SCFD2: variants seen among roughly 807,000 people sequenced by gnomAD.
SCFD2 encodes the protein sec1 family domain containing 2, also known as sec1 family domain-containing protein 2.
A neutral mutation model predicts 58.9 loss-of-function variants in SCFD2; 54 were observed. The ratio of observed to expected loss-of-function variants is 0.92; its 90% confidence interval spans 0.74 to 1.15. SCFD2 has a LOEUF of 1.15. SCFD2 is among the 50% of genes most tolerant of loss of function. SCFD2 has a pLI of 0.00. For synonymous variants in SCFD2, 321 were observed against 335.9 expected, an observed-to-expected ratio of 0.96 and a Z score of 0.49; for missense variants, 805 against 836.6, an observed-to-expected ratio of 0.96 and a Z score of 0.47.
chr4:53,267,443 G>A (rs184724514), intron 4 of SCFD2, among the ~76,000 whole-genome samples: 10 of 152,290 alleles, frequency 6.6e-5, no homozygotes, highest in African/African-American at 1.2e-4. Flanking sequence ...TTATACATTC[G>A]CCTATGCTAA....
intron 8 of SCFD2, among the ~76,000 whole-genome samples, chr4:52,874,965 G>T (rs530633105): frequency 6.6e-6 from 1 of 152,326 alleles, no homozygotes; most frequent in Admixed American, 6.5e-5. Flanking sequence ...GATGTGCCAG[G>T]TTCTGAGGAT....
At position 53,005,902 on chromosome 4, in the gene SCFD2, C is replaced by T. The variant is rs370147607; in HGVS notation, c.1562-85032G>A. On this transcript the variant is annotated intron_variant, in intron 5 of 8. Coordinates refer to ENST00000401642, the MANE Select transcript of SCFD2 (RefSeq NM_152540.4). ...ATACTTCATTGTACTAACTGGAGAA[C>T]TTGCCCTTTAATAAGCCCTACTGAG... Among the ~76,000 whole-genome samples the T allele has an allele frequency of 1.4e-4, 22 of 152,290 alleles. No individual in the cohort carries two copies. The East Asian group carries it at 2.1e-3, about 15-fold the overall frequency.
intron 4 of SCFD2, among the ~76,000 whole-genome samples, chr4:53,195,177 A>G (rs1369970113): frequency 6.6e-6 from 1 of 152,186 alleles, no homozygotes. Context: ...CAATTTAAAA[A>G]TCGAGTGCTG....
At chr4:53,087,107 C>T (rs1724328030) in intron 5 of SCFD2, among the ~76,000 whole-genome samples, 1 of 152,054 alleles carries the variant, frequency 6.6e-6, no homozygotes, top group African/African-American at 2.4e-5. Flanking sequence ...TTGCTTATTG[C>T]ATGTATAAAA....
intron 5 of SCFD2, among the ~76,000 whole-genome samples, chr4:52,941,669 T>C (rs1027379474): frequency 3.3e-5 from 5 of 152,250 alleles, no homozygotes; most frequent in Admixed American, 6.5e-5. Context: ...TGGCTCCATC[T>C]GAAACAGACT....
intron 5 of SCFD2, among the ~76,000 whole-genome samples, chr4:53,134,062 G>A (rs1170054795): frequency 1.3e-5 from 2 of 152,204 alleles, no homozygotes; most frequent in Non-Finnish European, 2.9e-5. Flanking sequence ...GGACATTACA[G>A]TAAGTGAAAT....
At chr4:53,113,094 T>A (rs1725217871) in intron 5 of SCFD2, among the ~76,000 whole-genome samples, 1 of 152,128 alleles carries the variant, frequency 6.6e-6, no homozygotes, top group South Asian at 2.1e-4. Context: ...TGTGCTTCCA[T>A]CTACTCCCCA....
intron 4 of SCFD2, among the ~76,000 whole-genome samples, chr4:53,184,615 C>T (rs115725810): frequency 2.6e-3 from 403 of 152,124 alleles, no homozygotes; most frequent in African/African-American, 9.3e-3. Flanking sequence ...AAGATATATC[C>T]TAGCAAATTT....
intron 5 of SCFD2, among the ~76,000 whole-genome samples, chr4:53,011,699 C>T (rs1239698339): frequency 6.6e-6 from 1 of 152,214 alleles, no homozygotes; most frequent in Non-Finnish European, 1.5e-5. Context: ...GTAACAAGAA[C>T]ACCTATCCAG....
At chr4:53,334,063 A>G (rs1733593180) in intron 2 of SCFD2, among the ~76,000 whole-genome samples, 2 of 152,298 alleles carry the variant, frequency 1.3e-5, no homozygotes, top group Non-Finnish European at 2.9e-5. Flanking sequence ...ACCATCTCAC[A>G]ACAGTTAGAA....
intron 4 of SCFD2, among the ~76,000 whole-genome samples, chr4:53,224,083 G>C (rs1269012568): frequency 1.3e-4 from 19 of 151,976 alleles, no homozygotes; most frequent in Non-Finnish European, 1.5e-5. Flanking sequence ...AACTTTCAAG[G>C]CTAGGTGATA....
intron 3 of SCFD2, among the ~76,000 whole-genome samples, chr4:53,292,787 A>T (rs1406411734): frequency 6.6e-6 from 1 of 152,220 alleles, no homozygotes; most frequent in African/African-American, 2.4e-5. Flanking sequence ...AATAGCAAAG[A>T]CATGGAATCA....
intron 5 of SCFD2, among the ~76,000 whole-genome samples, chr4:53,033,056 A>C (rs1219221351): frequency 2.0e-5 from 3 of 152,212 alleles, no homozygotes; most frequent in Non-Finnish European, 4.4e-5. Context: ...AAAATTGACC[A>C]CATAATTGAA....
intron 4 of SCFD2, among the ~76,000 whole-genome samples, chr4:53,270,806 T>C (rs76946902): frequency 4.9e-4 from 75 of 152,192 alleles, no homozygotes; most frequent in Middle Eastern, 3.4e-3. Context: ...AAACTGAACA[T>C]ATGGATTTAA....
chr4:53,340,514 T>G (rs1479490892), intron 2 of SCFD2, among the ~76,000 whole-genome samples: 5 of 152,202 alleles, frequency 3.3e-5, no homozygotes, highest in Non-Finnish European at 7.3e-5. Flanking sequence ...TTCCTGCCTC[T>G]GTAGACTCCA....
chr4:53,287,519 G>A (rs1442065179), intron 3 of SCFD2, among the ~76,000 whole-genome samples: 4 of 152,084 alleles, frequency 2.6e-5, no homozygotes, highest in Non-Finnish European at 5.9e-5. Flanking sequence ...CAGAGAGTCT[G>A]TACCCGCCCA....
At chr4:53,292,073 T>C (rs28826682) in intron 3 of SCFD2, among the ~76,000 whole-genome samples, 14,707 of 151,352 alleles carry the variant, frequency 0.097, 1,060 homozygotes, top group African/African-American at 0.19. Flanking sequence ...TATAAAACTA[T>C]AAAACCCAAA....
chr4:53,010,762 C>G (rs1393878580), intron 5 of SCFD2, among the ~76,000 whole-genome samples: 1 of 152,176 alleles, frequency 6.6e-6, no homozygotes, highest in East Asian at 1.9e-4. Flanking sequence ...TGCTTCTTTT[C>G]CCATTTTGGG....
At chr4:53,236,374 T>C (rs1729608526) in intron 4 of SCFD2, among the ~76,000 whole-genome samples, 1 of 151,506 alleles carries the variant, frequency 6.6e-6, no homozygotes, top group Non-Finnish European at 1.5e-5. Context: ...TAAAGTGGAG[T>C]TTATTAAGCA....
Sources: allele counts gnomAD v4.1 joint callset (sites outside exome capture counted in the v4.1 genomes callset), GRCh38; gene constraint gnomAD v4.1.1; transcripts MANE v1.5; gene names NCBI Gene and HGNC (gene_info 2026-07-23, HGNC 2026-07-21).